IL12RB1: variants seen among roughly 807,000 people sequenced by gnomAD.
IL12RB1 encodes interleukin 12 receptor subunit beta 1, also known as interleukin-12 receptor subunit beta-1.
A neutral mutation model predicts 94.4 loss-of-function variants in IL12RB1; 64 were observed. That is an observed-to-expected ratio of 0.68 (90% CI 0.55 to 0.83). The LOEUF (loss-of-function observed/expected upper bound fraction) is 0.83, where lower values mean the gene tolerates loss of function less well. IL12RB1 is among the 40% of genes least tolerant of loss of function. IL12RB1 has a pLI of 0.00. For synonymous variants in IL12RB1, 362 were observed against 355.5 expected (o/e 1.02, Z -0.21); for missense variants, 814 against 855.6 (o/e 0.95, Z 0.61).
intron 4 of IL12RB1, 133 bp downstream of exon 4, chr19:18,080,699 A>G (rs2035834275): frequency 1.3e-6 from 1 of 754,868 alleles, no homozygotes; most frequent in African/African-American, 1.7e-5. Flanking sequence ...TGTTTGCGTG[A>G]CACTACGTGA....
In IL12RB1 at chr19:18,077,577, T is replaced by G. The variant is rs374204463; in HGVS notation, c.488A>C (p.Asp163Ala). 1.9e-6 allele frequency: 3 copies of G among 1,609,372 alleles called. No individual in the cohort carries two copies. The African/African-American group carries it at 4.0e-5, about 22-fold the overall frequency. Reference protein sequence around the residue: ...GQLRMEWETPDNQVGAEVQFR... With the variant: ...GQLRMEWETPANQVGAEVQFR... ...CTGCACCTCAGCACCAACCTGGTTA[T>G]CCGGGGTCTCCCACTCCATACGCAG... is the stretch of plus-strand genomic sequence containing the variant. Residue 163 changes from aspartate to alanine, a missense_variant, in exon 5 of 17, where the codon GAT becomes GCT. Physicochemically the swap from Asp to Ala is moderately radical, Grantham distance 126 (BLOSUM62 -2). Coordinates refer to ENST00000593993, the MANE Select transcript of IL12RB1 (RefSeq NM_005535.3).
At chr19:18,087,072 T>A, upstream of IL12RB1, 1 of 710,956 alleles carries the variant, frequency 1.4e-6, no homozygotes, top group Non-Finnish European at 2.3e-6. Flanking sequence ...AAGTCTGACT[T>A]TGGAGCAAGT....
intron 16 of IL12RB1, 79 bp from the exon 17 acceptor site, chr19:18,059,692 TG>T: frequency 2.6e-6 from 2 of 774,760 alleles, no homozygotes; most frequent in Non-Finnish European, 4.8e-6. Flanking sequence ...GTGGATGGAA[TG>T]GGCTGGGTAT....
chr19:18,081,626 G>T (rs1846658846), intron 3 of IL12RB1, among the ~76,000 whole-genome samples: 1 of 151,070 alleles, frequency 6.6e-6, no homozygotes, highest in South Asian at 2.1e-4. Flanking sequence ...TTCAAGACCA[G>T]CCTGGCCAAC....
Position 18,060,037 on chromosome 19 carries a change from G to A in IL12RB1, c.1840C>T (p.Gln614Ter), listed in dbSNP as rs2034014044. The change falls in exon 16 of 17, where the codon CAG becomes TAG. Residue 614 changes from glutamine (Q) to a stop codon, truncating the protein, a stop_gained. Transcript: ENST00000593993. LOFTEE classifies it high-confidence loss of function. ...GACATCTCTACCACCAGGGCCTCCTGCAGGGATGCCTCTTCCTGGAAGTCC... is the reference window on the plus strand; with the variant it reads ...GACATCTCTACCACCAGGGCCTCCTACAGGGATGCCTCTTCCTGGAAGTCC... ...PVDFQEEASL[Q>*]EALVVEMSWD... The A allele has an allele frequency of 6.2e-7, 1 of 1,605,578 alleles. No homozygotes were observed.
Position 18,086,773 on chromosome 19 carries a change from C to G in IL12RB1, c.51G>C (p.Leu17=), listed in dbSNP as rs1195319275. Residue 17 remains leucine (L), a synonymous_variant, in exon 1 of 17, where the codon CTG becomes CTC. Coordinates refer to ENST00000593993, the MANE Select transcript of IL12RB1 (RefSeq NM_005535.3). The part of the protein sequence containing the change: ...WVVPLLFLFL[L]SRQGAACRTS... ...CAGGGGACTCACCGCCCTGCCTGGA[C>G]AGCAGGAAGAGGAAGAGGAGGGGGA... is the stretch of plus-strand genomic sequence containing the variant. The G allele has an allele frequency of 3.1e-6, 5 of 1,611,342 alleles. No homozygotes were observed. The highest frequency in any genetic ancestry group is 1.3e-5 in the African/African-American group (1 of 74,894).
intron 1 of IL12RB1, among the ~76,000 whole-genome samples, chr19:18,085,226 A>AG (rs1228309491): frequency 6.6e-6 from 1 of 152,140 alleles, no homozygotes; most frequent in East Asian, 1.9e-4. Flanking sequence ...TTGGGGGAGA[A>AG]GGCGGCACCC....
At position 18,063,912 on chromosome 19, in the gene IL12RB1, T is replaced by G; in HGVS notation, c.1582A>C (p.Arg528=). Residue 528 remains arginine, a synonymous_variant, in exon 13 of 17, where the codon AGG becomes CGG. Transcript: ENST00000593993. The part of the protein sequence containing the change: ...VQVRADTAWL[R]GVWSQPQRFS... ...CGCTGGGGCTGGCTCCAGACACCCC[T>G]CAGCCACGCTGTGTCTGCTCGCACC... 1.2e-6 allele frequency: 2 copies of G among 1,613,450 alleles called. No individual in the cohort carries two copies. Among genetic ancestry groups the G allele is most frequent in the African/African-American group, 2.7e-5 (2 of 74,992 alleles).
At chr19:18,062,368 G>A in intron 13 of IL12RB1, 91 bp from the exon 14 acceptor site, 1 of 745,786 alleles carries the variant, frequency 1.3e-6, no homozygotes, top group Non-Finnish European at 2.2e-6. Flanking sequence ...CCATGAACTT[G>A]CTGCTGATCC....
chr19:18,063,816 G>A, intron 13 of IL12RB1, 60 bp downstream of exon 13: 1 of 1,504,362 alleles, frequency 6.6e-7, no homozygotes, highest in Non-Finnish European at 9.1e-7. Flanking sequence ...TAAGATCATT[G>A]TGGGAAGCGC....
upstream of IL12RB1, among the ~76,000 whole-genome samples, chr19:18,088,291 C>G (rs1361374304): frequency 6.6e-6 from 1 of 151,660 alleles, no homozygotes; most frequent in Non-Finnish European, 1.5e-5. Flanking sequence ...GAGGCTGAGG[C>G]AGGAGAATCG....
chr19:18,062,038 C>T (rs768712313), intron 14 of IL12RB1, 143 bp downstream of exon 14: 150 of 619,456 alleles, frequency 2.4e-4, no homozygotes, highest in Non-Finnish European at 4.1e-4. Flanking sequence ...TTCAATAAAG[C>T]TGTTTTCTTC....
intron 4 of IL12RB1, among the ~76,000 whole-genome samples, chr19:18,079,146 C>T (rs1348992327): frequency 1.3e-5 from 2 of 151,052 alleles, no homozygotes; most frequent in African/African-American, 4.9e-5. Context: ...CTCTGTCACC[C>T]AGGCTGGAGT....
At chr19:18,083,136 G>C in intron 2 of IL12RB1, 1 of 549,852 alleles carries the variant, frequency 1.8e-6, no homozygotes, top group South Asian at 2.1e-5. Context: ...TGGGGGGGGG[G>C]CTTCAAAATG....
intron 12 of IL12RB1, among the ~76,000 whole-genome samples, chr19:18,065,462 G>A (rs982147637): frequency 1.3e-5 from 2 of 152,116 alleles, no homozygotes; most frequent in Non-Finnish European, 2.9e-5. Context: ...GGGTGCTCAT[G>A]ACTAATCCCA....
At chr19:18,068,652 C>T in intron 10 of IL12RB1, 126 bp from the exon 11 acceptor site, 1 of 742,906 alleles carries the variant, frequency 1.3e-6, no homozygotes, top group Non-Finnish European at 2.4e-6. Context: ...AGCCCTTGCA[C>T]CAATATCCCC....
rs1474251125 is a variant in IL12RB1, at chr19:18,085,099, G to A, written c.65-1608C>T. Among the ~76,000 whole-genome samples, 5 of 152,280 alleles carry A rather than the reference G, an allele frequency of 3.3e-5. No homozygotes were observed. The South Asian group carries it at 6.2e-4, about 19-fold the overall frequency. ...CTTTGGGATTGCCACAGTCTGCTAG[G>A]TGTGGAACTGGGTGAGAGAAGGAGG... On this transcript the variant is annotated intron_variant, in intron 1 of 16. Coordinates refer to ENST00000593993, the MANE Select transcript of IL12RB1 (RefSeq NM_005535.3).
intron 3 of IL12RB1, among the ~76,000 whole-genome samples, chr19:18,081,888 T>G (rs983901245): frequency 2.8e-5 from 4 of 140,704 alleles, no homozygotes; most frequent in Non-Finnish European, 4.7e-5. Flanking sequence ...GGATGGATGG[T>G]TGGATGGGTG....
Position 18,069,727 on chromosome 19 carries a change from G to A in IL12RB1, c.1022-14C>T. The A allele has an allele frequency of 6.3e-7, 1 of 1,598,998 alleles. No homozygotes were observed. Reference sequence around the variant, plus strand: ...GAGCCACTGGTTCTGGAAGGAGAGGGGAGAGACGCATCGAGACAGTTGCCA... The same window carrying A: ...GAGCCACTGGTTCTGGAAGGAGAGGAGAGAGACGCATCGAGACAGTTGCCA... On this transcript the variant is annotated splice_polypyrimidine_tract_variant and intron_variant, in intron 9 of 16. Transcript: ENST00000593993.
Sources: gnomAD v4.1 joint callset for allele counts (sites outside exome capture counted in the v4.1 genomes callset) on GRCh38, gnomAD v4.1.1 for gene constraint, MANE v1.5 for transcripts, NCBI Gene and HGNC (gene_info 2026-07-23, HGNC 2026-07-21) for gene names.